Variants in CFAP96 observed in about 807,000 individuals in gnomAD.
CFAP96 encodes the protein cilia-and flagella-associated protein 96.
chr4:185,436,228 T>TA, the CFAP96 span: 4 of 1,542,954 alleles, frequency 2.6e-6, no homozygotes, highest in South Asian at 1.2e-5. Context: ...TTTTGAAATT[T>TA]AAAAAAATTA....
At chr4:185,425,997 C>A in the CFAP96 span, 1 of 1,104,172 alleles carries the variant, frequency 9.1e-7, no homozygotes, top group South Asian at 1.4e-5. Flanking sequence ...CCGACATGCT[C>A]GGCGGCATGA....
the CFAP96 span, among the ~76,000 whole-genome samples, chr4:185,446,475 T>A: frequency 6.6e-6 from 1 of 152,182 alleles, no homozygotes; most frequent in African/African-American, 2.4e-5. Context: ...TTTTTCACTT[T>A]ATTCTCTCAC....
chr4:185,434,216 C>T, the CFAP96 span, among the ~76,000 whole-genome samples: 1 of 151,672 alleles, frequency 6.6e-6, no homozygotes, highest in Admixed American at 6.6e-5. Flanking sequence ...AGAGTGAGAC[C>T]CTGTCTGAAA....
At chr4:185,423,777 C>T in the CFAP96 span, among the ~76,000 whole-genome samples, 1 of 151,886 alleles carries the variant, frequency 6.6e-6, no homozygotes, top group Non-Finnish European at 1.5e-5. Flanking sequence ...TATACACACA[C>T]AGATACACAT....
chr4:185,436,117 G>A, the CFAP96 span: 73 of 1,551,164 alleles, frequency 4.7e-5, no homozygotes, highest in East Asian at 9.8e-5. Context: ...TCAAAACCTC[G>A]AGAAAAATAC....
At chr4:185,421,300 T>G in the CFAP96 span, among the ~76,000 whole-genome samples, 1 of 152,176 alleles carries the variant, frequency 6.6e-6, no homozygotes, top group African/African-American at 2.4e-5. Context: ...AGCTGCAATC[T>G]CCTTCAAGGA....
the CFAP96 span, among the ~76,000 whole-genome samples, chr4:185,413,394 A>T: frequency 6.6e-6 from 1 of 152,156 alleles, no homozygotes; most frequent in Non-Finnish European, 1.5e-5. Flanking sequence ...TCTCAAAAAA[A>T]CAAAAAAAGA....
chr4:185,425,781 C>T, the CFAP96 span: 33 of 1,556,316 alleles, frequency 2.1e-5, no homozygotes, highest in East Asian at 4.8e-5. Flanking sequence ...GGACCAGCTC[C>T]TTTCAGGCGC....
the CFAP96 span, among the ~76,000 whole-genome samples, chr4:185,440,096 A>C: frequency 1.3e-5 from 2 of 151,750 alleles, no homozygotes; most frequent in Non-Finnish European, 2.9e-5. Context: ...ATATATATAC[A>C]TAATCTCATG....
At chr4:185,447,691 C>T in the CFAP96 span, among the ~76,000 whole-genome samples, 1 of 152,140 alleles carries the variant, frequency 6.6e-6, no homozygotes, top group South Asian at 2.1e-4. Flanking sequence ...AGTGTCTTTC[C>T]TATGAATTCA....
At chr4:185,408,875 A>T in the CFAP96 span, among the ~76,000 whole-genome samples, 1 of 152,092 alleles carries the variant, frequency 6.6e-6, no homozygotes, top group South Asian at 2.1e-4. Flanking sequence ...CGGCCCACTC[A>T]TTCTCTCACT....
the CFAP96 span, among the ~76,000 whole-genome samples, chr4:185,427,685 A>G: frequency 0.023 from 3,264 of 143,918 alleles, 87 homozygotes; most frequent in South Asian, 0.039. Flanking sequence ...CCTTGAACCC[A>G]GGAGGCGGAG....
chr4:185,434,937 C>A, the CFAP96 span, among the ~76,000 whole-genome samples: 84 of 152,148 alleles, frequency 5.5e-4, no homozygotes, highest in African/African-American at 1.9e-3. Context: ...AGATGGGTTT[C>A]GCCATGTTGG....
At chr4:185,443,344 T>TATATA in the CFAP96 span, among the ~76,000 whole-genome samples, 3 of 17,132 alleles carry the variant, frequency 1.8e-4, no homozygotes, top group Non-Finnish European at 2.4e-4. Flanking sequence ...ATATATATAT[T>TATATA]TTTTTTTTTT....
chr4:185,440,691 C>T, the CFAP96 span: 5 of 1,481,870 alleles, frequency 3.4e-6, no homozygotes, highest in African/African-American at 2.9e-5. Flanking sequence ...ATTTCAAATA[C>T]TTTTAAACCG....
the CFAP96 span, among the ~76,000 whole-genome samples, chr4:185,437,163 C>T: frequency 6.6e-6 from 1 of 152,270 alleles, no homozygotes; most frequent in African/African-American, 2.4e-5. Context: ...TGGATGAATC[C>T]TGTGAGTAGA....
At chr4:185,426,612 C>G in the CFAP96 span, among the ~76,000 whole-genome samples, 1 of 152,198 alleles carries the variant, frequency 6.6e-6, no homozygotes, top group Non-Finnish European at 1.5e-5. Flanking sequence ...AAGCTCCTTG[C>G]GGGCAGCATC....
chr4:185,445,339 T>G, the CFAP96 span: 1 of 725,656 alleles, frequency 1.4e-6, no homozygotes, highest in Non-Finnish European at 2.2e-6. Context: ...CTGAGAAAGC[T>G]TAAGTTATCT....
At chr4:185,417,976 G>A in the CFAP96 span, among the ~76,000 whole-genome samples, 1 of 150,806 alleles carries the variant, frequency 6.6e-6, no homozygotes. Context: ...CCCGGGAGGC[G>A]GAAGTTGCAG....
Sources: gnomAD v4.1 joint callset for allele counts (sites outside exome capture counted in the v4.1 genomes callset) on GRCh38, gnomAD v4.1.1 for gene constraint, MANE v1.5 for transcripts, NCBI Gene and HGNC (gene_info 2026-07-23, HGNC 2026-07-21) for gene names.